Variants in SNTB2 observed in about 807,000 individuals in gnomAD.
SNTB2 encodes the protein beta-2-syntrophin.
A neutral mutation model predicts 46.2 loss-of-function variants in SNTB2; 34 were observed. The observed-to-expected ratio is 0.74, with a 90% CI of 0.56 to 0.98. The LOEUF is 0.98. Ranked by LOEUF, SNTB2 falls within the 50% of genes least tolerant of loss-of-function variation. The pLI is 0.00. For synonymous variants in SNTB2, 290 were observed against 312.6 expected (o/e 0.93, Z 0.76); for missense variants, 603 against 731.4 (o/e 0.82, Z 2.02).
In SNTB2 at chr16:69,187,391, C is replaced by T. The variant is rs1236605621; in HGVS notation, c.225C>T (p.Asn75=). ...PAAAAFNGLP[N]GGGAGDSLPG... ...CCGCCGCCTTCAACGGCCTCCCAAA[C>T]GGCGGCGGCGCGGGCGACTCGCTGC... The change falls in exon 1 of 7, where the codon AAC becomes AAT. Residue 75 remains asparagine (N), a synonymous_variant. Transcript: ENST00000336278. The T allele has an allele frequency of 2.3e-6, 3 of 1,288,822 alleles. No homozygotes were observed. The highest frequency in any genetic ancestry group is 3.1e-5 in the East Asian group (1 of 31,788). The allele number at this position is 1,288,822 out of a possible 1,614,324, so 79.8% of individuals were successfully genotyped here.
Position 69,268,583 on chromosome 16 carries a change from G to A in SNTB2, c.1006-1560G>A, listed in dbSNP as rs992265196. On this transcript the variant is annotated intron_variant, in intron 3 of 6. Transcript: ENST00000336278. The stretch of plus-strand genomic sequence containing the variant: ...ATTTTTAAAAAATACAGCACAGTGA[G>A]GCCAGGCGCGTTGGCTCACGCCTGT... Among the ~76,000 whole-genome samples, 27 of 152,176 alleles carry A rather than the reference G, an allele frequency of 1.8e-4. 1 individual carries two copies. Among genetic ancestry groups the A allele is most frequent in the Non-Finnish European group, 1.5e-5 (1 of 68,034 alleles).
Position 69,292,403 on chromosome 16 carries a change from TATA to T in SNTB2, c.1346-7186_1346-7184del, listed in dbSNP as rs1306687538. 2.5e-3 allele frequency among the ~76,000 whole-genome samples: 69 copies of T among 27,374 alleles called. 10 individuals carry two copies. Among genetic ancestry groups the T allele is most frequent in the Non-Finnish European group, 3.5e-3 (61 of 17,668 alleles). 18.0% of individuals were successfully genotyped at this position (27,374 alleles called of 152,430 possible). ...ATTATATATATATTATATATATATA[TATA>T]TTATATATATATTATATATATATAT... On this transcript the variant is annotated intron_variant, in intron 5 of 6. Transcript: ENST00000336278.
At chr16:69,282,222 A>T (rs1182931712) in intron 4 of SNTB2, among the ~76,000 whole-genome samples, 1 of 148,714 alleles carries the variant, frequency 6.7e-6, no homozygotes, top group Non-Finnish European at 1.5e-5. Context: ...GCACTCAGGG[A>T]GGCCCAGGCA....
At chr16:69,273,431 A>G (rs1247113457) in intron 4 of SNTB2, among the ~76,000 whole-genome samples, 2 of 152,246 alleles carry the variant, frequency 1.3e-5, no homozygotes, top group East Asian at 1.9e-4. Context: ...TCTGCAGTGT[A>G]GATGAATCTT....
chr16:69,300,941 A>G lies in SNTB2; in HGVS notation c.*17A>G. On this transcript the variant is annotated 3_prime_UTR_variant, in exon 7 of 7. Coordinates refer to ENST00000336278, the MANE Select transcript of SNTB2 (RefSeq NM_006750.4). ...CTTGTATGAGCAACAAAAAATCAGA[A>G]AAGAGCCTTGACTGTCACAAGAAAT... The G allele has an allele frequency of 6.6e-7, 1 of 1,522,510 alleles. No homozygotes were observed. The highest frequency in any genetic ancestry group is 9.1e-7 in the Non-Finnish European group (1 of 1,098,724). The allele number at this position is 1,522,510 out of a possible 1,614,324, so 94.3% of individuals were successfully genotyped here.
intron 4 of SNTB2, among the ~76,000 whole-genome samples, chr16:69,279,164 T>A (rs1484969536): frequency 1.3e-5 from 2 of 152,100 alleles, no homozygotes; most frequent in Non-Finnish European, 2.9e-5. Flanking sequence ...GAACAACAAT[T>A]CTCCATTTCC....
Position 69,228,437 on chromosome 16 carries a change from C to T in SNTB2, c.581-17165C>T, listed in dbSNP as rs565441651. 6.5e-5 allele frequency among the ~76,000 whole-genome samples: 9 copies of T among 138,680 alleles called. No homozygotes were observed. The South Asian group carries it at 2.0e-3, about 31-fold the overall frequency. 91.0% of individuals were successfully genotyped at this position (138,680 alleles called of 152,430 possible). A position where few individuals can be genotyped will look rare whatever the true frequency, so the allele number is the denominator to read the frequency against. ...GGGAGGATGGCTTGAACCTGGGAGGCAGAGGTTGCAGGGAGCTGAGATTAT... is the reference window on the plus strand; with the variant it reads ...GGGAGGATGGCTTGAACCTGGGAGGTAGAGGTTGCAGGGAGCTGAGATTAT... On this transcript the variant is annotated intron_variant, in intron 1 of 6. Coordinates refer to ENST00000336278, the MANE Select transcript of SNTB2 (RefSeq NM_006750.4).
At chr16:69,194,805 G>C (rs936067747) in intron 1 of SNTB2, among the ~76,000 whole-genome samples, 6 of 152,150 alleles carry the variant, frequency 3.9e-5, no homozygotes, top group Non-Finnish European at 8.8e-5. Flanking sequence ...TTAAGGTGAT[G>C]TTAACAGAAG....
intron 1 of SNTB2, among the ~76,000 whole-genome samples, chr16:69,238,621 A>G (rs959567961): frequency 6.6e-6 from 1 of 152,156 alleles, no homozygotes; most frequent in African/African-American, 2.4e-5. Context: ...TTGATTGTCT[A>G]ATGTATGTCT....
At chr16:69,199,510 A>G (rs892516438) in intron 1 of SNTB2, among the ~76,000 whole-genome samples, 8 of 150,182 alleles carry the variant, frequency 5.3e-5, no homozygotes, top group African/African-American at 9.9e-5. Flanking sequence ...TGGGAGGATC[A>G]CTTGAGCCTG....
chr16:69,232,074 G>A (rs930357490), intron 1 of SNTB2, among the ~76,000 whole-genome samples: 3 of 151,964 alleles, frequency 2.0e-5, no homozygotes, highest in Non-Finnish European at 4.4e-5. Context: ...ATATATAAAA[G>A]CATGAAGGCT....
Position 69,221,220 on chromosome 16 carries a change from C to A in SNTB2, c.581-24382C>A, listed in dbSNP as rs79706536. On this transcript the variant is annotated intron_variant, in intron 1 of 6. Coordinates refer to ENST00000336278, the MANE Select transcript of SNTB2 (RefSeq NM_006750.4). ...AATACTGATAGTTCACACTTACATA[C>A]TCCATTGCATTTAGTGTTTACATGT... Among the ~76,000 whole-genome samples the A allele has an allele frequency of 7.4e-3, 1,120 of 152,304 alleles. 12 individuals are homozygous for A. The highest frequency in any genetic ancestry group is 0.024 in the African/African-American group (1,005 of 41,566).
At chr16:69,228,742 A>G (rs571692723) in intron 1 of SNTB2, among the ~76,000 whole-genome samples, 2 of 152,260 alleles carry the variant, frequency 1.3e-5, no homozygotes, top group South Asian at 2.1e-4. Context: ...GTAAGTATAC[A>G]CATACTAAGT....
Position 69,307,609 on chromosome 16 carries a change from G to A in SNTB2, c.*6685G>A, listed in dbSNP as rs1965325762. ...TCATTTCCACCCTTAAACTATTTAAGCATTTCATCTGCTGAAAGTCCTTAT... is the reference window on the plus strand; with the variant it reads ...TCATTTCCACCCTTAAACTATTTAAACATTTCATCTGCTGAAAGTCCTTAT... On this transcript the variant is annotated 3_prime_UTR_variant, in exon 7 of 7. Transcript: ENST00000336278. 6.6e-6 allele frequency: 1 copy of A among 151,788 alleles called. No homozygotes were observed. The highest frequency in any genetic ancestry group is 2.1e-4 in the South Asian group (1 of 4,812). 9.4% of individuals were successfully genotyped at this position (151,788 alleles called of 1,614,324 possible).
intron 4 of SNTB2, among the ~76,000 whole-genome samples, chr16:69,271,971 A>C (rs1163494094): frequency 6.6e-6 from 1 of 152,218 alleles, no homozygotes; most frequent in South Asian, 2.1e-4. Context: ...TTAATTTGCA[A>C]GTAGGGAAAA....
intron 5 of SNTB2, among the ~76,000 whole-genome samples, chr16:69,285,628 C>T (rs1021787334): frequency 4.7e-5 from 7 of 149,740 alleles, no homozygotes; most frequent in Non-Finnish European, 1.0e-4. Context: ...TACAGGTGCC[C>T]ACCACAGCAC....
In SNTB2 at chr16:69,187,349, C is replaced by G; in HGVS notation, c.183C>G (p.Pro61=). 1 of 1,416,770 alleles carries G rather than the reference C, an allele frequency of 7.1e-7. No individual in the cohort carries two copies. Among genetic ancestry groups the G allele is most frequent in the Admixed American group, 2.7e-5 (1 of 37,262 alleles). The allele number at this position is 1,416,770 out of a possible 1,614,324, so 87.8% of individuals were successfully genotyped here. The change falls in exon 1 of 7, where the codon CCC becomes CCG. Residue 61 remains proline, a synonymous_variant. Coordinates refer to ENST00000336278, the MANE Select transcript of SNTB2 (RefSeq NM_006750.4). ...TGDAAAAELE[P]ALGPAAAAFN... ...ACGCCGCCGCGGCCGAGCTGGAGCCCGCTCTGGGACCCGCGGCCGCCGCCT... is the reference window on the plus strand; with the variant it reads ...ACGCCGCCGCGGCCGAGCTGGAGCCGGCTCTGGGACCCGCGGCCGCCGCCT...
At chr16:69,219,075 A>C (rs985908195) in intron 1 of SNTB2, among the ~76,000 whole-genome samples, 1 of 152,206 alleles carries the variant, frequency 6.6e-6, no homozygotes, top group Non-Finnish European at 1.5e-5. Context: ...TATGGTGAAG[A>C]TAGATAGGAG....
At chr16:69,242,789 A>G (rs916515841) in intron 1 of SNTB2, among the ~76,000 whole-genome samples, 2 of 152,216 alleles carry the variant, frequency 1.3e-5, no homozygotes, top group South Asian at 4.1e-4. Context: ...TGGGAGGCCA[A>G]GGCGGGTGGA....
Sources: allele counts gnomAD v4.1 joint callset (sites outside exome capture counted in the v4.1 genomes callset), GRCh38; gene constraint gnomAD v4.1.1; transcripts MANE v1.5; gene names NCBI Gene and HGNC (gene_info 2026-07-23, HGNC 2026-07-21).